DIPK2B: variants seen among roughly 807,000 people sequenced by gnomAD.
DIPK2B encodes the protein UPF0672 protein CXorf36.
DIPK2B carries 15 observed loss-of-function variants against 22.2 expected under a neutral mutation model. The observed-to-expected ratio is 0.68, with a 90% confidence interval of 0.45 to 1.04. The LOEUF is 1.04. Ranked by LOEUF, DIPK2B falls within the 50% of genes least tolerant of loss-of-function variation. The pLI is 0.00. For missense variants in DIPK2B, 345 were observed against 348.3 expected (o/e 0.99, Z 0.08); for synonymous variants, 163 against 153.2 (o/e 1.06, Z -0.47).
chrX:45,157,856 C>G lies in DIPK2B; in HGVS notation c.531G>C (p.Ser177=), dbSNP rs774573891. The G allele has an allele frequency of 5.2e-6, 6 of 1,158,546 alleles. No homozygotes were observed. In the African/African-American group the frequency reaches 7.4e-5, roughly 14 times the overall value. Residue 177 remains serine, a synonymous_variant, in exon 3 of 5, where the codon TCG becomes TCC. Transcript: ENST00000398000. ...TGACCACGCGATCCAGGAGTCGCTG[C>G]GAAGGGCAGCGCAGGAGCGGGCTGG... The part of the protein sequence containing the change: ...GLASPLLRCP[S]QRLLDRVVRR...
At chrX:45,190,790 T>C (rs1247753312) in intron 2 of DIPK2B, among the ~76,000 whole-genome samples, 2 of 112,421 alleles carry the variant, frequency 1.8e-5, no homozygotes, top group Non-Finnish European at 3.8e-5. Context: ...GATGTACTCA[T>C]AGAGTGCAGA....
chrX:45,168,738 C>T (rs761653023), intron 2 of DIPK2B, among the ~76,000 whole-genome samples: 3 of 111,310 alleles, frequency 2.7e-5, no homozygotes, highest in Non-Finnish European at 5.7e-5. Flanking sequence ...CGTGTCTCCC[C>T]TCTTCAGGCC....
chrX:45,187,884 C>T (rs2047192333), intron 2 of DIPK2B, among the ~76,000 whole-genome samples: 2 of 110,920 alleles, frequency 1.8e-5, no homozygotes, highest in African/African-American at 6.6e-5. Flanking sequence ...CCTAAACACA[C>T]AGCAACACAC....
chrX:45,187,112 C>A (rs769652251), intron 2 of DIPK2B, among the ~76,000 whole-genome samples: 8 of 111,901 alleles, frequency 7.1e-5, no homozygotes, highest in Non-Finnish European at 1.3e-4. Context: ...GCTCTGCGGC[C>A]ATCTAGTGTA....
At chrX:45,163,786 A>T (rs1026634627) in intron 2 of DIPK2B, 2 of 766,379 alleles carry the variant, frequency 2.6e-6, no homozygotes, top group African/African-American at 4.6e-5. Context: ...TTTAGAAGTT[A>T]TGTGGGCCTT....
rs995545546 is a variant in DIPK2B at position 45,192,941 on chromosome X, G to C, written c.234-926C>G. On this transcript the variant is annotated intron_variant, in intron 1 of 4. Coordinates refer to ENST00000398000, the MANE Select transcript of DIPK2B (RefSeq NM_176819.4). ...TTAGAGGAGTGCGCCACCACGCCCAGCTAATTTTTGTATTTTTAGTAGAGA... is the reference window on the plus strand; with the variant it reads ...TTAGAGGAGTGCGCCACCACGCCCACCTAATTTTTGTATTTTTAGTAGAGA... Among the ~76,000 whole-genome samples, 3 of 112,091 alleles carry C rather than the reference G, an allele frequency of 2.7e-5. No individual in the cohort carries two copies. The Admixed American group carries it at 2.8e-4, about 11-fold the overall frequency.
At chrX:45,157,172 T>C in intron 3 of DIPK2B, among the ~76,000 whole-genome samples, 1 of 111,560 alleles carries the variant, frequency 9.0e-6, no homozygotes, top group East Asian at 2.8e-4. Flanking sequence ...TAAGTGTCTG[T>C]CTCTACCACT....
At chrX:45,162,953 G>A (rs779921100) in intron 2 of DIPK2B, 369 of 751,903 alleles carry the variant, frequency 4.9e-4, no homozygotes, top group Non-Finnish European at 5.6e-4. Context: ...GTCTGAAGAC[G>A]GTCGATAAAA....
intron 2 of DIPK2B, among the ~76,000 whole-genome samples, chrX:45,166,734 G>C (rs896318024): frequency 8.9e-6 from 1 of 111,822 alleles, no homozygotes; most frequent in African/African-American, 3.3e-5. Flanking sequence ...ACAAGTGTGT[G>C]AAAAAAAGAA....
At chrX:45,169,818 AGTC>A (rs1220912373) in intron 2 of DIPK2B, among the ~76,000 whole-genome samples, 1 of 112,105 alleles carries the variant, frequency 8.9e-6, no homozygotes, top group African/African-American at 3.2e-5. Context: ...GGGAAACCCT[AGTC>A]AGGAAATCAT....
At chrX:45,164,967 A>G (rs2148337407) in intron 2 of DIPK2B, among the ~76,000 whole-genome samples, 1 of 111,121 alleles carries the variant, frequency 9.0e-6, no homozygotes, top group African/African-American at 3.3e-5. Context: ...TGATTTAATC[A>G]GGAGAAAGAT....
chrX:45,157,638 G>C (rs771426163), intron 3 of DIPK2B, 77 bp downstream of exon 3: 1 of 1,017,528 alleles, frequency 9.8e-7, no homozygotes, highest in South Asian at 2.3e-5. Context: ...AAAGGAGGGA[G>C]AGAGCTCAAT....
At chrX:45,199,440 G>A (rs2047256034) in intron 1 of DIPK2B, among the ~76,000 whole-genome samples, 1 of 110,822 alleles carries the variant, frequency 9.0e-6, no homozygotes, top group Admixed American at 9.6e-5. Flanking sequence ...CCAATTCCTT[G>A]GCATGGCAAT....
chrX:45,197,663 G>A (rs1395846052), intron 1 of DIPK2B, among the ~76,000 whole-genome samples: 1 of 111,837 alleles, frequency 8.9e-6, no homozygotes, highest in Non-Finnish European at 1.9e-5. Flanking sequence ...AAATACAAAT[G>A]GTCAATAAAT....
At chrX:45,195,569 C>G (rs913365542) in intron 1 of DIPK2B, among the ~76,000 whole-genome samples, 4 of 112,038 alleles carry the variant, frequency 3.6e-5, no homozygotes, top group African/African-American at 6.5e-5. Flanking sequence ...CTGCACTGAA[C>G]CTTTAACCCA....
intron 3 of DIPK2B, among the ~76,000 whole-genome samples, chrX:45,156,844 G>C (rs752701992): frequency 3.6e-5 from 4 of 111,486 alleles, no homozygotes; most frequent in South Asian, 3.8e-4. Context: ...TTTATTAACT[G>C]TCTTTGCTGT....
At chrX:45,183,794 T>C (rs1299822347) in intron 2 of DIPK2B, among the ~76,000 whole-genome samples, 1 of 111,998 alleles carries the variant, frequency 8.9e-6, no homozygotes, top group Non-Finnish European at 1.9e-5. Flanking sequence ...TGATTAGTAA[T>C]TGGTTAACTG....
chrX:45,164,217 G>A (rs1465712034), intron 2 of DIPK2B: 5 of 1,203,462 alleles, frequency 4.2e-6, no homozygotes, highest in Non-Finnish European at 5.6e-6. Flanking sequence ...GCATACACAG[G>A]AACTTTAGTT....
intron 2 of DIPK2B, among the ~76,000 whole-genome samples, chrX:45,164,976 AT>A (rs2047040401): frequency 9.0e-6 from 1 of 111,089 alleles, no homozygotes; most frequent in African/African-American, 3.3e-5. Flanking sequence ...CAGGAGAAAG[AT>A]GGGGGGACAA....
Sources: gnomAD v4.1 joint callset for allele counts (sites outside exome capture counted in the v4.1 genomes callset) on GRCh38, gnomAD v4.1.1 for gene constraint, MANE v1.5 for transcripts, NCBI Gene and HGNC (gene_info 2026-07-23, HGNC 2026-07-21) for gene names.